Variants in OBSL1 observed in about 807,000 individuals in gnomAD.
OBSL1 encodes the protein obscurin like cytoskeletal adaptor 1.
Under a neutral mutation model 172.0 loss-of-function variants are expected in OBSL1, and 160 were observed. The ratio of observed to expected loss-of-function variants is 0.93; its 90% CI spans 0.82 to 1.06. The LOEUF is 1.06. OBSL1 is among the 50% of genes least tolerant of loss of function. The pLI, the probability that OBSL1 is intolerant of heterozygous loss-of-function variation, is 0.00. For synonymous variants in OBSL1, 1,200 were observed against 1,196.3 expected (o/e 1.00, Z -0.06); for missense variants, 2,681 against 2,715.4 (o/e 0.99, Z 0.28).
rs535275673 is a variant in OBSL1, at chr2:219,554,983, G to A, written c.4610-243C>T. On this transcript the variant is annotated intron_variant, in intron 14 of 20. Transcript: ENST00000404537. ...GGGGGAGAAGTGTGGTTAGGGGGTC[G>A]TGGAGTCTGGGTGAGGGGTGCTGTG... 9.8e-4 allele frequency among the ~76,000 whole-genome samples: 149 copies of A among 152,188 alleles called. 5 individuals are homozygous for A. In the South Asian group the frequency reaches 0.028, roughly 29 times the overall value.
At chr2:219,555,731 C>T (rs1000914991) in intron 14 of OBSL1, 2 of 1,305,264 alleles carry the variant, frequency 1.5e-6, no homozygotes, top group Middle Eastern at 5.8e-4. Flanking sequence ...CCCTAGAATA[C>T]ATGCCTGAAG....
chr2:219,566,887 C>A lies in OBSL1; in HGVS notation c.2077G>T (p.Ala693Ser), dbSNP rs774620411. The A allele has an allele frequency of 1.2e-6, 2 of 1,604,760 alleles. No individual in the cohort carries two copies. The highest frequency in any genetic ancestry group is 8.5e-7 in the Non-Finnish European group (1 of 1,172,212). The change falls in exon 5 of 21, where the codon GCC (alanine) becomes TCC (serine). Residue 693 changes from alanine to serine, a missense_variant. Ala to Ser is a moderately conservative substitution (Grantham distance 99, BLOSUM62 1). This residue lies in a region of OBSL1 where 1,765 missense variants were observed against 1,748.3 expected (regional missense o/e 1.01). Transcript: ENST00000404537. ...CCGGGGCAGCTGAAGCCGACCAGGGCACCGCTGTCCTGGTGCTTGACGGCA... is the reference window on the plus strand; with the variant it reads ...CCGGGGCAGCTGAAGCCGACCAGGGAACCGCTGTCCTGGTGCTTGACGGCA... ...LHAVKHQDSG[A>S]LVGFSCPGVQ... is the part of the protein sequence containing the mutation.
rs761929487 is a variant in OBSL1 at position 219,567,165 on chromosome 2, G to T, written c.1838-39C>A. The T allele has an allele frequency of 5.6e-6, 9 of 1,598,802 alleles. No individual in the cohort carries two copies. In the East Asian group the frequency reaches 2.0e-4, roughly 36 times the overall value. On this transcript the variant is annotated intron_variant, in intron 4 of 20. Transcript: ENST00000404537. ...AGAGTGCAGCTGTCAGAACTAGAAGGTGTGGCAGAGGGCAGAGGCTGGCGG... is the reference window on the plus strand; with the variant it reads ...AGAGTGCAGCTGTCAGAACTAGAAGTTGTGGCAGAGGGCAGAGGCTGGCGG...
chr2:219,550,533 C>T (rs1173423506), downstream of OBSL1: 43 of 438,134 alleles, frequency 9.8e-5, no homozygotes, highest in Non-Finnish European at 1.3e-4. Context: ...CTTCTGTCTC[C>T]CCCACCCCAC....
In OBSL1 at chr2:219,570,564, C is replaced by G. The variant is rs1224535030; in HGVS notation, c.669G>C (p.Leu223=). The change falls in exon 1 of 21, where the codon CTG becomes CTC. Residue 223 remains leucine (L), a synonymous_variant. Coordinates refer to ENST00000404537, the MANE Select transcript of OBSL1 (RefSeq NM_015311.3). ...TCTCGGGGGGCTGGTGCACCTGGAG[C>G]AGCGCCCCCGCCTGCGCGTGGCCGT... is the stretch of plus-strand genomic sequence containing the variant. ...NAHGHAQAGA[L]LQVHQPPESP... The G allele has an allele frequency of 2.6e-6, 4 of 1,553,520 alleles. No individual in the cohort carries two copies. The highest frequency in any genetic ancestry group is 1.7e-6 in the Non-Finnish European group (2 of 1,152,322).
intron 8 of OBSL1, chr2:219,561,979 T>C: frequency 1.4e-6 from 1 of 717,586 alleles, no homozygotes; most frequent in Non-Finnish European, 2.6e-6. Context: ...TCCGGATTGT[T>C]ATTTGAACTG....
In OBSL1 at chr2:219,571,342, CG is replaced by C; in HGVS notation, c.-111del. Reference sequence around the variant, plus strand: ...TCGGGGCGCGGCTGGGGACTGGGCGCGGGGACCCGCGGAGCTCTCCCGGGCC... The same window carrying C: ...TCGGGGCGCGGCTGGGGACTGGGCGCGGGACCCGCGGAGCTCTCCCGGGCC... On this transcript the variant is annotated 5_prime_UTR_variant, in exon 1 of 21. Coordinates refer to ENST00000404537, the MANE Select transcript of OBSL1 (RefSeq NM_015311.3). 1 of 654,394 alleles carries C rather than the reference CG, an allele frequency of 1.5e-6. No homozygotes were observed. The highest frequency in any genetic ancestry group is 2.1e-6 in the Non-Finnish European group (1 of 469,206). The allele number at this position is 654,394 out of a possible 1,614,324, so 40.5% of individuals were successfully genotyped here.
Position 219,550,779 on chromosome 2 carries a change from A to AG in OBSL1, c.*55dup. On this transcript the variant is annotated 3_prime_UTR_variant, in exon 21 of 21. Transcript: ENST00000404537. Reference sequence around the variant, plus strand: ...TGTCTCTCTACCCCTGCCCAGGGTAAGGGCAAACGCCTTCCAAGCTGTCCA... The same window carrying AG: ...TGTCTCTCTACCCCTGCCCAGGGTAAGGGGCAAACGCCTTCCAAGCTGTCCA... 6.3e-7 allele frequency: 1 copy of AG among 1,593,936 alleles called. No homozygotes were observed. The highest frequency in any genetic ancestry group is 8.6e-7 in the Non-Finnish European group (1 of 1,168,426).
downstream of OBSL1, chr2:219,549,722 T>C (rs750334790): frequency 6.8e-6 from 11 of 1,613,794 alleles, no homozygotes; most frequent in Non-Finnish European, 9.3e-6. Context: ...CACAGAGCTA[T>C]ATCCAGAGCT....
Position 219,568,098 on chromosome 2 carries a change from C to G in OBSL1, c.1239G>C (p.Glu413Asp), listed in dbSNP as rs1200116651. Residue 413 changes from glutamate (E) to aspartate (D), a missense_variant, in exon 2 of 21, where the codon GAG (glutamate) becomes GAC (aspartate). Glu to Asp is a conservative substitution (Grantham distance 45, BLOSUM62 2). Around this residue, in one of 5 missense-constraint regions of OBSL1, gnomAD observed 706 missense variants for 695.8 expected, o/e 1.01. Transcript: ENST00000404537. The surrounding 1 kb of genome is among the most constrained non-coding windows in gnomAD (Gnocchi z 4.1). ...KADDDGIYLC[E>D]MRGRVRTVAN... is the part of the protein sequence containing the mutation. ...CCACGGTGCGCACCCGGCCCCGCATCTCGCACAGGTAGATACCATCATCGT... is the reference window on the plus strand; with the variant it reads ...CCACGGTGCGCACCCGGCCCCGCATGTCGCACAGGTAGATACCATCATCGT... 3 of 1,612,808 alleles carry G rather than the reference C, an allele frequency of 1.9e-6. No homozygotes were observed. The South Asian group carries it at 3.3e-5, about 18-fold the overall frequency.
In OBSL1 at chr2:219,558,191, G is replaced by C. The variant is rs778017047; in HGVS notation, c.3495C>G (p.Ile1165Met). 6.8e-6 allele frequency: 11 copies of C among 1,607,824 alleles called. No homozygotes were observed. The African/African-American group carries it at 1.2e-4, about 18-fold the overall frequency. Residue 1165 changes from isoleucine to methionine, a missense_variant, in exon 10 of 21, where the codon ATC becomes ATG. Physicochemically the swap from Ile to Met is conservative, Grantham distance 10. Coordinates refer to ENST00000404537, the MANE Select transcript of OBSL1 (RefSeq NM_015311.3). ...TTGGCCAGGAGCACCCACCAGCCAG[G>C]ATGACATTGAAGGTGATGGCCTCAT... is the stretch of plus-strand genomic sequence containing the variant. The part of the protein sequence containing the change: ...TRHEAITFNV[I>M]LAEPPVQFLA...
chr2:219,552,527 C>T lies in OBSL1; in HGVS notation c.5308+9G>A, dbSNP rs768944525. The T allele has an allele frequency of 7.5e-6, 12 of 1,593,464 alleles. No homozygotes were observed. The highest frequency in any genetic ancestry group is 1.0e-5 in the Non-Finnish European group (12 of 1,176,336). On this transcript the variant is annotated intron_variant, in intron 18 of 20. Transcript: ENST00000404537. ...CGAGGGGCCCGAAAGGGTAACCAGG[C>T]GGGCAGACCTTCCTGTCGGATGCGG...
chr2:219,559,344 A>T lies in OBSL1; in HGVS notation c.3107T>A (p.Val1036Glu), dbSNP rs770244571. Reference protein sequence around the residue: ...GLEVEESEALVLERDGPRCRL... With the variant: ...GLEVEESEALELERDGPRCRL... ...GCAGCGTGGCCCATCCCTCTCCAGC[A>T]CCAGGGCCTCGCTCTCCTCCACTTC... The change falls in exon 9 of 21, where the codon GTG (valine) becomes GAG (glutamate). Residue 1036 changes from valine to glutamate, a missense_variant. By Grantham distance (121) the Val-to-Glu change is moderately radical. Coordinates refer to ENST00000404537, the MANE Select transcript of OBSL1 (RefSeq NM_015311.3). 3 of 1,613,836 alleles carry T rather than the reference A, an allele frequency of 1.9e-6. No individual in the cohort carries two copies. In the South Asian group the frequency reaches 3.3e-5, roughly 18 times the overall value.
chr2:219,559,763 T>A, intron 8 of OBSL1: 1 of 481,410 alleles, frequency 2.1e-6, no homozygotes, highest in Non-Finnish European at 3.7e-6. Context: ...TCCCCCTTCA[T>A]CGGTCACGTT....
At position 219,562,769 on chromosome 2, in the gene OBSL1, T is replaced by C. The variant is rs1696581253; in HGVS notation, c.2681-95A>G. 23 of 1,379,978 alleles carry C rather than the reference T, an allele frequency of 1.7e-5. No individual in the cohort carries two copies. The South Asian group carries it at 2.4e-4, about 14-fold the overall frequency. The allele number at this position is 1,379,978 out of a possible 1,614,324, so 85.5% of individuals were successfully genotyped here. A position where few individuals can be genotyped will look rare whatever the true frequency, so the allele number is the denominator to read the frequency against. On this transcript the variant is annotated intron_variant, in intron 7 of 20. Transcript: ENST00000404537. ...TTCCCTACCCCTGGAAAGTAGGCCATGTGTTGAAGAGGGACCTTCCTGAGA... is the reference window on the plus strand; with the variant it reads ...TTCCCTACCCCTGGAAAGTAGGCCACGTGTTGAAGAGGGACCTTCCTGAGA...
chr2:219,558,145 C>T, intron 10 of OBSL1, 35 bp from the exon 11 acceptor site: 1 of 1,610,900 alleles, frequency 6.2e-7, no homozygotes, highest in Non-Finnish European at 8.5e-7. Flanking sequence ...CCCATGCTTG[C>T]CCTTGCCTCC....
chr2:219,555,477 G>T, intron 14 of OBSL1: 1 of 211,114 alleles, frequency 4.7e-6, no homozygotes, highest in Non-Finnish European at 8.2e-6. Context: ...ATGGGTTCTT[G>T]CTATGTTGCC....
chr2:219,564,496 T>C (rs1408370883), intron 6 of OBSL1, among the ~76,000 whole-genome samples: 3 of 152,198 alleles, frequency 2.0e-5, no homozygotes, highest in Non-Finnish European at 4.4e-5. Flanking sequence ...AGAGTGTATA[T>C]TGAAAATACT....
chr2:219,563,950 C>T (rs1301481772), intron 6 of OBSL1, among the ~76,000 whole-genome samples: 1 of 152,140 alleles, frequency 6.6e-6, no homozygotes. Flanking sequence ...GTCACTGTCA[C>T]AAGTCACATC....
Sources: allele counts gnomAD v4.1 joint callset (sites outside exome capture counted in the v4.1 genomes callset), GRCh38; gene constraint gnomAD v4.1.1; regional missense constraint gnomAD v4.1.1; non-coding constraint Gnocchi (gnomAD v3.1); transcripts MANE v1.5; gene names NCBI Gene and HGNC (gene_info 2026-07-23, HGNC 2026-07-21).